Variants in SLAIN1 observed in about 807,000 individuals in gnomAD.
SLAIN1 encodes SLAIN family member 1, also known as SLAIN motif-containing protein 1.
A neutral mutation model predicts 55.4 loss-of-function variants in SLAIN1; 17 were observed. The ratio of observed to expected loss-of-function variants is 0.31; its 90% CI spans 0.21 to 0.46. The LOEUF is 0.46. SLAIN1 is among the 20% of genes least tolerant of loss of function. The pLI is 1.00. For synonymous variants in SLAIN1, 348 were observed against 337.4 expected (o/e 1.03, Z -0.35); for missense variants, 682 against 785.1 (o/e 0.87, Z 1.57).
rs1434733997 is a variant in SLAIN1 at position 77,698,724 on chromosome 13, A to G, written c.626+185A>G. Among the ~76,000 whole-genome samples the G allele has an allele frequency of 6.6e-6, 1 of 152,134 alleles. No homozygotes were observed. Among genetic ancestry groups the G allele is most frequent in the East Asian group, 1.9e-4 (1 of 5,172 alleles). ...GACACTTCCCACGATGAGGCTTCTCATGAAGGCAGAAACCTGTTTTCTAAT... is the reference window on the plus strand; with the variant it reads ...GACACTTCCCACGATGAGGCTTCTCGTGAAGGCAGAAACCTGTTTTCTAAT... On this transcript the variant is annotated intron_variant, in intron 1 of 6. Coordinates refer to ENST00000418532, the MANE Select transcript of SLAIN1 (RefSeq NM_001242868.2). The surrounding 1 kb of genome is among the most constrained non-coding windows in gnomAD (Gnocchi z 4.1).
chr13:77,739,059 T>C (rs1328489954), intron 2 of SLAIN1, among the ~76,000 whole-genome samples: 6 of 152,072 alleles, frequency 3.9e-5, no homozygotes, highest in Non-Finnish European at 7.4e-5. Flanking sequence ...CCATGTTTGT[T>C]ACCCCAGTCA....
At chr13:77,754,288 T>C (rs1366132984) in intron 5 of SLAIN1, among the ~76,000 whole-genome samples, 1 of 152,244 alleles carries the variant, frequency 6.6e-6, no homozygotes, top group Non-Finnish European at 1.5e-5. Flanking sequence ...CATTTCTTTA[T>C]GTTTTAGTTC....
chr13:77,729,563 G>C (rs1339833893), intron 2 of SLAIN1, among the ~76,000 whole-genome samples: 1 of 151,746 alleles, frequency 6.6e-6, no homozygotes, highest in African/African-American at 2.4e-5. Context: ...GAATAGTCAG[G>C]TTTAAAGCAA....
At chr13:77,738,753 A>G (rs1873262674) in intron 2 of SLAIN1, among the ~76,000 whole-genome samples, 1 of 152,100 alleles carries the variant, frequency 6.6e-6, no homozygotes, top group African/African-American at 2.4e-5. Context: ...ACTCACTAGA[A>G]AGAGTGAGGG....
intron 5 of SLAIN1, among the ~76,000 whole-genome samples, chr13:77,759,141 C>T (rs561660495): frequency 1.3e-5 from 2 of 152,092 alleles, no homozygotes; most frequent in Non-Finnish European, 2.9e-5. Flanking sequence ...TAAGATTTTT[C>T]ACCTCCTTGG....
At chr13:77,726,285 C>T (rs1263968271) in intron 2 of SLAIN1, among the ~76,000 whole-genome samples, 4 of 152,106 alleles carry the variant, frequency 2.6e-5, no homozygotes, top group Non-Finnish European at 4.4e-5. Context: ...GTCTTCACAA[C>T]CACAATTTTG....
chr13:77,738,542 T>C (rs1873252290), intron 2 of SLAIN1, among the ~76,000 whole-genome samples: 1 of 152,064 alleles, frequency 6.6e-6, no homozygotes, highest in South Asian at 2.1e-4. Context: ...GCATTAAGTA[T>C]TTTTCCTAAT....
At chr13:77,735,154 A>G (rs755878682) in intron 2 of SLAIN1, among the ~76,000 whole-genome samples, 2 of 152,196 alleles carry the variant, frequency 1.3e-5, no homozygotes, top group Non-Finnish European at 2.9e-5. Flanking sequence ...TCCTGTACCC[A>G]TGAAAAGCCT....
intron 2 of SLAIN1, among the ~76,000 whole-genome samples, chr13:77,737,340 T>A (rs1430535493): frequency 6.6e-6 from 1 of 152,078 alleles, no homozygotes; most frequent in Non-Finnish European, 1.5e-5. Flanking sequence ...TTAACTGGTC[T>A]CCCAGACATC....
intron 6 of SLAIN1, among the ~76,000 whole-genome samples, chr13:77,761,335 C>G (rs916738781): frequency 2.6e-5 from 4 of 152,176 alleles, no homozygotes; most frequent in Non-Finnish European, 1.5e-5. Context: ...CACTATCACT[C>G]CTAAGACGCT....
intron 3 of SLAIN1, among the ~76,000 whole-genome samples, chr13:77,745,225 T>C (rs1169065518): frequency 2.0e-5 from 3 of 151,902 alleles, no homozygotes; most frequent in Non-Finnish European, 4.4e-5. Context: ...TCTCTATCTC[T>C]TTCTGACACA....
chr13:77,723,497 C>T (rs956303855), intron 2 of SLAIN1, among the ~76,000 whole-genome samples: 1 of 152,044 alleles, frequency 6.6e-6, no homozygotes, highest in African/African-American at 2.4e-5. Flanking sequence ...CATCTTTATT[C>T]CTACTTTCAC....
intron 5 of SLAIN1, among the ~76,000 whole-genome samples, chr13:77,754,672 C>G (rs1874473599): frequency 6.6e-6 from 1 of 152,190 alleles, no homozygotes; most frequent in Non-Finnish European, 1.5e-5. Context: ...CTTAATCACC[C>G]TAACACACTT....
At chr13:77,761,861 A>G (rs1272315116) in intron 6 of SLAIN1, among the ~76,000 whole-genome samples, 1 of 152,112 alleles carries the variant, frequency 6.6e-6, no homozygotes, top group African/African-American at 2.4e-5. Flanking sequence ...AAGTGGTTTG[A>G]GGAGAGATTG....
intron 2 of SLAIN1, chr13:77,743,305 A>C: frequency 1.7e-6 from 1 of 576,994 alleles, no homozygotes; most frequent in Non-Finnish European, 2.6e-6. Context: ...CTTTGGGTAC[A>C]AAAGGCCTAG....
chr13:77,739,198 G>T (rs1873285478), intron 2 of SLAIN1, among the ~76,000 whole-genome samples: 1 of 152,004 alleles, frequency 6.6e-6, no homozygotes, highest in African/African-American at 2.4e-5. Context: ...TTTTCACCGA[G>T]ATTTTAGCTG....
intron 2 of SLAIN1, among the ~76,000 whole-genome samples, chr13:77,724,898 G>T (rs758496315): frequency 2.6e-5 from 4 of 151,994 alleles, no homozygotes; most frequent in Non-Finnish European, 1.5e-5. Flanking sequence ...TGGGCAGTCC[G>T]CATTTTTGAG....
At chr13:77,718,021 C>A (rs2091224701) in intron 1 of SLAIN1, among the ~76,000 whole-genome samples, 1 of 151,910 alleles carries the variant, frequency 6.6e-6, no homozygotes. Context: ...CATAGTAGGA[C>A]TGAGCTGGGG....
Position 77,741,472 on chromosome 13 carries a change from G to A in SLAIN1, c.767-2811G>A, listed in dbSNP as rs11838602. The A allele has an allele frequency of 6.9e-5, 68 of 984,092 alleles. No homozygotes were observed. The African/African-American group carries it at 7.0e-4, about 10-fold the overall frequency. The allele number at this position is 984,092 out of a possible 1,614,324, so 61.0% of individuals were successfully genotyped here. On this transcript the variant is annotated intron_variant, in intron 2 of 6. Transcript: ENST00000418532. ...TACGGGTTGGATAAGTGACATATAC[G>A]ACTGGTGTCAATTGGCAACCAGGCT... is the stretch of plus-strand genomic sequence containing the variant.
Sources: allele counts gnomAD v4.1 joint callset (sites outside exome capture counted in the v4.1 genomes callset), GRCh38; gene constraint gnomAD v4.1.1; non-coding constraint Gnocchi (gnomAD v3.1); transcripts MANE v1.5; gene names NCBI Gene and HGNC (gene_info 2026-07-23, HGNC 2026-07-21).